LYST: variants seen among roughly 807,000 people sequenced by gnomAD.
LYST encodes the protein lysosomal trafficking regulator, also known as lysosomal-trafficking regulator.
LYST carries 192 observed loss-of-function variants against 413.6 expected under a neutral mutation model. The observed-to-expected ratio is 0.46, with a 90% CI of 0.41 to 0.52. The LOEUF (loss-of-function observed/expected upper bound fraction) is 0.52, where lower values mean the gene tolerates loss of function less well. Among genes scored for constraint, LYST ranks in the 20% least tolerant of loss-of-function variants. The probability of loss-of-function intolerance (pLI) is 0.00; values close to 1 mark genes in which losing one functional copy is unlikely to be tolerated. For synonymous variants in LYST, 1,525 were observed against 1,567.3 expected, an observed-to-expected ratio of 0.97 and a Z score of 0.64; for missense variants, 3,815 against 4,499.9, an observed-to-expected ratio of 0.85 and a Z score of 4.35.
At chr1:235,874,237 C>T (rs922677634) in intron 1 of LYST, among the ~76,000 whole-genome samples, 3 of 152,192 alleles carry the variant, frequency 2.0e-5, no homozygotes, top group African/African-American at 7.2e-5. Context: ...GAATCCACTA[C>T]AGTAGTAAGA....
At chr1:235,714,663 CCTAT>C (rs1662683598) in intron 42 of LYST, among the ~76,000 whole-genome samples, 2 of 152,168 alleles carry the variant, frequency 1.3e-5, no homozygotes, top group Non-Finnish European at 2.9e-5. Context: ...CAAATTCACT[CCTAT>C]CTAAGTCATG....
intron 1 of LYST, among the ~76,000 whole-genome samples, chr1:235,877,766 G>A (rs1178248657): frequency 6.7e-6 from 1 of 148,912 alleles, no homozygotes; most frequent in Non-Finnish European, 1.5e-5. Flanking sequence ...CAATTGCATC[G>A]CTTAGCAGTG....
Position 235,816,065 on chromosome 1 carries a change from A to G in LYST, c.193-3004T>C, listed in dbSNP as rs184570254. 6.5e-3 allele frequency among the ~76,000 whole-genome samples: 927 copies of G among 142,072 alleles called. 11 individuals are homozygous for G. Among genetic ancestry groups the G allele is most frequent in the African/African-American group, 0.023 (890 of 38,668 alleles). The allele number at this position is 142,072 out of a possible 152,430, so 93.2% of individuals were successfully genotyped here. A position where few individuals can be genotyped will look rare whatever the true frequency, so the allele number is the denominator to read the frequency against. ...GAATCACTTGAACCCGGGAGGAGGA[A>G]GATGCAGTGAGCCAAGATCACACCA... On this transcript the variant is annotated intron_variant, in intron 3 of 52. Transcript: ENST00000389793.
chr1:235,672,471 T>G (rs1659024105), intron 50 of LYST, among the ~76,000 whole-genome samples: 1 of 152,098 alleles, frequency 6.6e-6, no homozygotes, highest in Non-Finnish European at 1.5e-5. Context: ...AAGAAAGTGT[T>G]TCACAAAAGG....
Position 235,830,440 on chromosome 1 carries a change from T to TA in LYST, c.-7-17dup. 3.2e-6 allele frequency: 5 copies of TA among 1,560,416 alleles called. No individual in the cohort carries two copies. The highest frequency in any genetic ancestry group is 2.8e-5 in the African/African-American group (2 of 72,354). On this transcript the variant is annotated splice_polypyrimidine_tract_variant and intron_variant, in intron 2 of 52. Coordinates refer to ENST00000389793, the MANE Select transcript of LYST (RefSeq NM_000081.4). ...CATGACCGAGCTATAAAATAAGTAT[T>TA]ACAAAAAAAAAAGATTAGGAAAACA... is the stretch of plus-strand genomic sequence containing the variant.
chr1:235,762,422 G>T (rs1200106401), intron 22 of LYST, among the ~76,000 whole-genome samples: 1 of 152,156 alleles, frequency 6.6e-6, no homozygotes, highest in African/African-American at 2.4e-5. Flanking sequence ...CAGAATGATG[G>T]TTTTAGGTAG....
Position 235,733,514 on chromosome 1 carries a change from C to T in LYST, c.8790G>A (p.Leu2930=). The part of the protein sequence containing the change: ...SRHWQELIQQ[L]THDRAVWYDP... ...CTCCCGCAGCTTACCTATCATGTGT[C>T]AGCTGCTGAATAAGTTCCTGCCAAT... The change falls in exon 34 of 53, where the codon CTG becomes CTA. Residue 2930 remains leucine (L), a synonymous_variant. Coordinates refer to ENST00000389793, the MANE Select transcript of LYST (RefSeq NM_000081.4). The T allele has an allele frequency of 6.2e-7, 1 of 1,613,704 alleles. No individual in the cohort carries two copies. Among genetic ancestry groups the T allele is most frequent in the Non-Finnish European group, 8.5e-7 (1 of 1,179,714 alleles).
In LYST at chr1:235,741,605, G is replaced by C. The variant is rs1338321500; in HGVS notation, c.8175C>G (p.Ser2725=). The change falls in exon 31 of 53, where the codon TCC becomes TCG. Residue 2725 remains serine (S), a synonymous_variant. Coordinates refer to ENST00000389793, the MANE Select transcript of LYST (RefSeq NM_000081.4). ...ACAGAATTTTAGTCCATTGCTGCTT[G>C]GAACCACTGGCTTTACTTGAACCCT... is the stretch of plus-strand genomic sequence containing the variant. ...VSIGSSKASG[S]KQQWTKILWS... 1.2e-6 allele frequency: 2 copies of C among 1,613,780 alleles called. No homozygotes were observed. Among genetic ancestry groups the C allele is most frequent in the Admixed American group, 1.7e-5 (1 of 59,994 alleles).
intron 20 of LYST, 43 bp from the exon 21 acceptor site, chr1:235,766,320 CAACTT>C (rs764511909): frequency 1.2e-5 from 18 of 1,444,290 alleles, no homozygotes; most frequent in Middle Eastern, 1.8e-4. Flanking sequence ...AAAGAATTGT[CAACTT>C]AACTAAGATT....
chr1:235,756,565 T>C (rs1450503094), intron 24 of LYST, among the ~76,000 whole-genome samples: 1 of 152,136 alleles, frequency 6.6e-6, no homozygotes, highest in Non-Finnish European at 1.5e-5. Context: ...AATACCTACA[T>C]CCAAGCAAAC....
chr1:235,805,994 T>G lies in LYST; in HGVS notation c.3142A>C (p.Ile1048Leu), dbSNP rs1365257848. The change falls in exon 6 of 53, where the codon ATA becomes CTA. Residue 1048 changes from isoleucine to leucine, a missense_variant. Physicochemically the swap from Ile to Leu is conservative, Grantham distance 5 (BLOSUM62 2). Around this residue, in one of 4 missense-constraint regions of LYST, gnomAD observed 1,648 missense variants for 1,810.3 expected, o/e 0.91. Transcript: ENST00000389793. ...LLSLAIKSDP[I>L]PSELGSLKKS... Reference sequence around the variant, plus strand: ...TTTAGACTACCTAGTTCTGATGGTATGGGGTCACTTTTTATAGCCAAAGAT... The same window carrying G: ...TTTAGACTACCTAGTTCTGATGGTAGGGGGTCACTTTTTATAGCCAAAGAT... 2.5e-6 allele frequency: 4 copies of G among 1,613,772 alleles called. No homozygotes were observed. In the African/African-American group the frequency reaches 5.3e-5, roughly 22 times the overall value.
In LYST at chr1:235,781,924, C is replaced by T. The variant is rs758506488; in HGVS notation, c.5023+3G>A. 1 of 1,601,790 alleles carries T rather than the reference C, an allele frequency of 6.2e-7. No individual in the cohort carries two copies. Reference sequence around the variant, plus strand: ...TGCAGTGGTGCAATCATAGCTCACTCACCGTTGAAGAGAAGCAAATTTCCC... The same window carrying T: ...TGCAGTGGTGCAATCATAGCTCACTTACCGTTGAAGAGAAGCAAATTTCCC... On this transcript the variant is annotated splice_donor_region_variant and intron_variant, in intron 15 of 52. Coordinates refer to ENST00000389793, the MANE Select transcript of LYST (RefSeq NM_000081.4).
chr1:235,666,466 G>A (rs1658477057), intron 50 of LYST, among the ~76,000 whole-genome samples: 1 of 152,020 alleles, frequency 6.6e-6, no homozygotes, highest in African/African-American at 2.4e-5. Context: ...GCTGAGGGAG[G>A]AGGAATGGGG....
intron 31 of LYST, among the ~76,000 whole-genome samples, chr1:235,739,553 C>G (rs572032259): frequency 6.7e-6 from 1 of 148,642 alleles, no homozygotes; most frequent in Non-Finnish European, 1.5e-5. Flanking sequence ...ATAAACAATG[C>G]AACCAACTAT....
chr1:235,704,818 G>C (rs1661844428), intron 44 of LYST, among the ~76,000 whole-genome samples: 1 of 152,026 alleles, frequency 6.6e-6, no homozygotes, highest in South Asian at 2.1e-4. Flanking sequence ...TCTAAGAAAG[G>C]CCAATTGCAA....
At chr1:235,731,213 C>A in intron 34 of LYST, 36 bp from the exon 35 acceptor site, 2 of 1,594,206 alleles carry the variant, frequency 1.3e-6, no homozygotes, top group Non-Finnish European at 1.7e-6. Context: ...TTTTAAGTGA[C>A]CATCCAGGAC....
chr1:235,827,570 C>G, intron 3 of LYST: 1 of 980,676 alleles, frequency 1.0e-6, no homozygotes, highest in Non-Finnish European at 1.2e-6. Flanking sequence ...ATTAATTCCC[C>G]TTAAAAACTC....
upstream of LYST, among the ~76,000 whole-genome samples, chr1:235,867,874 G>C (rs1309492715): frequency 6.6e-6 from 1 of 152,214 alleles, no homozygotes; most frequent in Non-Finnish European, 1.5e-5. Flanking sequence ...AGGAATTGCT[G>C]TAGAATCAAC....
At chr1:235,799,539 C>A (rs888147213) in intron 10 of LYST, among the ~76,000 whole-genome samples, 2 of 152,128 alleles carry the variant, frequency 1.3e-5, no homozygotes, top group Non-Finnish European at 2.9e-5. Context: ...AAACGTATAA[C>A]CTGAATTTAA....
Sources: gnomAD v4.1 joint callset for allele counts (sites outside exome capture counted in the v4.1 genomes callset) on GRCh38, gnomAD v4.1.1 for gene constraint, gnomAD v4.1.1 regional missense constraint, MANE v1.5 for transcripts, NCBI Gene and HGNC (gene_info 2026-07-23, HGNC 2026-07-21) for gene names.